Variants in CLEC4A observed in about 807,000 individuals in gnomAD.
CLEC4A encodes C-type lectin domain family 4 member A, also known as C-type (calcium dependent, carbohydrate-recognition domain) lectin, superfamily member 6.
Under a neutral mutation model 32.7 loss-of-function variants are expected in CLEC4A, and 27 were observed. The ratio of observed to expected loss-of-function variants is 0.83; its 90% CI spans 0.61 to 1.14. The LOEUF is 1.14. Among genes scored for constraint, CLEC4A ranks in the 50% most tolerant of loss-of-function variants. CLEC4A has a pLI of 0.00. For synonymous variants in CLEC4A, 89 were observed against 93.7 expected, an observed-to-expected ratio of 0.95 and a Z score of 0.29; for missense variants, 253 against 274.6, an observed-to-expected ratio of 0.92 and a Z score of 0.55.
chr12:8,106,266 T>C, the CLEC4A span, among the ~76,000 whole-genome samples: 1 of 152,204 alleles, frequency 6.6e-6, no homozygotes, highest in Non-Finnish European at 1.5e-5. Flanking sequence ...TTTGTACCAG[T>C]ACCATGCTGT....
At chr12:8,137,363 T>G (rs1948140638) in intron 5 of CLEC4A, among the ~76,000 whole-genome samples, 1 of 152,146 alleles carries the variant, frequency 6.6e-6, no homozygotes, top group African/African-American at 2.4e-5. Flanking sequence ...ACTGCAGCCT[T>G]GAATTCCTGG....
chr12:8,120,759 A>C (rs894695433), upstream of CLEC4A: 3 of 152,164 alleles, frequency 2.0e-5, no homozygotes, highest in Non-Finnish European at 4.4e-5. Context: ...TGCCCAAGAG[A>C]TCTCTTGGAT....
At chr12:8,127,337 A>T (rs1947918039) in intron 2 of CLEC4A, among the ~76,000 whole-genome samples, 1 of 152,200 alleles carries the variant, frequency 6.6e-6, no homozygotes, top group Non-Finnish European at 1.5e-5. Context: ...CTCACCTTGG[A>T]ACTAGCGCAG....
In CLEC4A at chr12:8,135,683, G is replaced by T. The variant is rs1472736800; in HGVS notation, c.397G>T (p.Asp133Tyr). The T allele has an allele frequency of 1.9e-6, 3 of 1,614,062 alleles. No homozygotes were observed. The highest frequency in any genetic ancestry group is 2.5e-6 in the Non-Finnish European group (3 of 1,180,012). Reference sequence around the variant, plus strand: ...AGCATCTTGGCAAGACAGTGAGAAGGACTGTGCTAGAATGGAGGCTCACCT... The same window carrying T: ...AGCATCTTGGCAAGACAGTGAGAAGTACTGTGCTAGAATGGAGGCTCACCT... Reference protein sequence around the residue: ...ESASWQDSEKDCARMEAHLLV... With the variant: ...ESASWQDSEKYCARMEAHLLV... Residue 133 changes from aspartate to tyrosine, a missense_variant, in exon 4 of 6, where the codon GAC becomes TAC. Physicochemically the swap from Asp to Tyr is radical, Grantham distance 160 (BLOSUM62 -3). Transcript: ENST00000229332.
At chr12:8,117,842 G>A in the CLEC4A span, among the ~76,000 whole-genome samples, 2 of 152,080 alleles carry the variant, frequency 1.3e-5, no homozygotes, top group African/African-American at 4.8e-5. Flanking sequence ...TCAAACATAA[G>A]GAGAATTAGA....
intron 5 of CLEC4A, 53 bp from the exon 6 acceptor site, chr12:8,138,087 C>G: frequency 1.3e-6 from 2 of 1,576,496 alleles, no homozygotes; most frequent in South Asian, 2.3e-5. Flanking sequence ...TGTCTCTAAC[C>G]CTTTTCAAAG....
chr12:8,129,914 C>T (rs1182623593), intron 3 of CLEC4A, among the ~76,000 whole-genome samples: 1 of 152,214 alleles, frequency 6.6e-6, no homozygotes, highest in Non-Finnish European at 1.5e-5. Context: ...TGGCTCACTA[C>T]AGCCTCGACC....
chr12:8,118,985 T>A (rs1947810288), upstream of CLEC4A, among the ~76,000 whole-genome samples: 1 of 152,226 alleles, frequency 6.6e-6, no homozygotes, highest in African/African-American at 2.4e-5. Flanking sequence ...CTGAATATGC[T>A]GGTGCCTTGA....
chr12:8,134,815 G>T, intron 3 of CLEC4A: 1 of 1,551,164 alleles, frequency 6.4e-7, no homozygotes, highest in Non-Finnish European at 8.7e-7. Context: ...CCTGGAGGGG[G>T]TGAGAAGGCG....
In CLEC4A at chr12:8,138,213, A is replaced by T. The variant is rs766527836; in HGVS notation, c.640A>T (p.Arg214Ter). 1.2e-5 allele frequency: 19 copies of T among 1,614,220 alleles called. No homozygotes were observed. Among genetic ancestry groups the T allele is most frequent in the Non-Finnish European group, 1.6e-5 (19 of 1,180,038 alleles). The change falls in exon 6 of 6, where the codon AGA becomes TGA. Residue 214 changes from arginine to a stop codon, truncating the protein, a stop_gained. Transcript: ENST00000229332. LOFTEE classifies it high-confidence loss of function. The stretch of plus-strand genomic sequence containing the variant: ...GCTAAATTTTCGTAAATCACCCAAA[A>T]GATGGGGCTGGAATGATGTTAATTG... Reference protein sequence around the residue: ...VVLNFRKSPKRWGWNDVNCLG... With the variant: ...VVLNFRKSPK
At chr12:8,134,166 G>C (rs7315526) in intron 3 of CLEC4A, 1,421,257 of 1,607,622 alleles carry the variant, frequency 0.88, 635,534 homozygotes, top group East Asian at 0.95. Flanking sequence ...TTTCTCTTTC[G>C]GGCCTGCACG....
At chr12:8,134,212 A>G (rs1359530140) in intron 3 of CLEC4A, 3 of 1,611,236 alleles carry the variant, frequency 1.9e-6, no homozygotes, top group Non-Finnish European at 2.5e-6. Context: ...GAAGATTTTC[A>G]TTGTTGTCAG....
the CLEC4A span, among the ~76,000 whole-genome samples, chr12:8,115,015 G>A: frequency 6.6e-6 from 1 of 152,148 alleles, no homozygotes; most frequent in African/African-American, 2.4e-5. Flanking sequence ...TCTCCAGGTT[G>A]GTTTGCTTTA....
chr12:8,133,798 A>G lies in CLEC4A; in HGVS notation c.299-1787A>G, dbSNP rs986871566. 1.3e-5 allele frequency: 21 copies of G among 1,584,536 alleles called. No homozygotes were observed. In the African/African-American group the frequency reaches 2.4e-4, roughly 18 times the overall value. ...AGTTTGAATGCATGGGAGAGCCCAGAGTGGTGACGGAGACAGGGGGAAAGG... is the reference window on the plus strand; with the variant it reads ...AGTTTGAATGCATGGGAGAGCCCAGGGTGGTGACGGAGACAGGGGGAAAGG... On this transcript the variant is annotated intron_variant, in intron 3 of 5. Transcript: ENST00000229332.
the CLEC4A span, among the ~76,000 whole-genome samples, chr12:8,105,470 C>T: frequency 6.6e-6 from 1 of 151,976 alleles, no homozygotes; most frequent in African/African-American, 2.4e-5. Flanking sequence ...CTGCCTCAGC[C>T]TCCCAAGTAG....
intron 2 of CLEC4A, among the ~76,000 whole-genome samples, chr12:8,128,432 A>G (rs1466459522): frequency 3.5e-5 from 5 of 142,876 alleles, no homozygotes; most frequent in Non-Finnish European, 4.5e-5. Context: ...TTTTTTTGAG[A>G]TGGAGTCTTG....
the CLEC4A span, among the ~76,000 whole-genome samples, chr12:8,115,496 C>G: frequency 6.6e-6 from 1 of 152,172 alleles, no homozygotes; most frequent in Non-Finnish European, 1.5e-5. Flanking sequence ...TGAGGCTTAC[C>G]AAGGCATCTA....
chr12:8,131,436 C>T (rs1565404796), intron 3 of CLEC4A, among the ~76,000 whole-genome samples: 1 of 152,160 alleles, frequency 6.6e-6, no homozygotes, highest in African/African-American at 2.4e-5. Context: ...TGCTGCAGAA[C>T]CTTGAAGAGC....
chr12:8,115,648 A>T, the CLEC4A span, among the ~76,000 whole-genome samples: 1 of 152,150 alleles, frequency 6.6e-6, no homozygotes, highest in Non-Finnish European at 1.5e-5. Flanking sequence ...AGTTATATAG[A>T]TCTGAAGAGT....
Sources: allele counts gnomAD v4.1 joint callset (sites outside exome capture counted in the v4.1 genomes callset), GRCh38; gene constraint gnomAD v4.1.1; transcripts MANE v1.5; gene names NCBI Gene and HGNC (gene_info 2026-07-23, HGNC 2026-07-21).